The following ELP4 variants were observed in gnomAD, a reference collection of about 807,000 sequenced individuals.
ELP4 encodes elongator acetyltransferase complex subunit 4, also known as elongator complex protein 4.
ELP4 carries 51 observed loss-of-function variants against 48.9 expected under a neutral mutation model. The ratio of observed to expected loss-of-function variants is 1.04; its 90% confidence interval spans 0.83 to 1.32. ELP4 has a LOEUF of 1.32. Ranked by LOEUF, ELP4 falls within the 40% of genes most tolerant of loss-of-function variation. The pLI is 0.00. For missense variants in ELP4, 519 were observed against 514.6 expected (o/e 1.01, Z -0.08); for synonymous variants, 210 against 189.2 (o/e 1.11, Z -0.90).
intron 9 of ELP4, among the ~76,000 whole-genome samples, chr11:31,670,920 T>C (rs1284662777): frequency 6.6e-6 from 1 of 152,052 alleles, no homozygotes; most frequent in Non-Finnish European, 1.5e-5. Context: ...AGTTGGAGAT[T>C]TATTGCCTTA....
At chr11:31,523,616 A>G (rs1373602991) in intron 2 of ELP4, among the ~76,000 whole-genome samples, 1 of 152,168 alleles carries the variant, frequency 6.6e-6, no homozygotes, top group South Asian at 2.1e-4. Context: ...CAAAATAAAT[A>G]CATGTGAACA....
intron 9 of ELP4, among the ~76,000 whole-genome samples, chr11:31,676,753 A>G (rs1249808334): frequency 1.3e-5 from 2 of 152,212 alleles, no homozygotes; most frequent in Non-Finnish European, 2.9e-5. Context: ...AGAGGCTTAG[A>G]GAGGTTAAGT....
At chr11:31,653,242 T>C (rs1945360204) in intron 9 of ELP4, 1 of 151,840 alleles carries the variant, frequency 6.6e-6, no homozygotes, top group African/African-American at 2.4e-5. Flanking sequence ...AATCCTGACA[T>C]GCATTCTGGA....
chr11:31,779,344 C>G (rs2134283087), intron 9 of ELP4, among the ~76,000 whole-genome samples: 1 of 152,232 alleles, frequency 6.6e-6, no homozygotes, highest in Non-Finnish European at 1.5e-5. Flanking sequence ...TTATCTTGCC[C>G]CTTCTGTCTG....
At chr11:31,568,005 C>A (rs1004403823) in intron 3 of ELP4, among the ~76,000 whole-genome samples, 2 of 152,146 alleles carry the variant, frequency 1.3e-5, no homozygotes, top group African/African-American at 4.8e-5. Context: ...TGGGTCTGTA[C>A]AAGTGATGCT....
chr11:31,667,760 A>G (rs1471277514), intron 9 of ELP4, among the ~76,000 whole-genome samples: 1 of 152,206 alleles, frequency 6.6e-6, no homozygotes, highest in Admixed American at 6.5e-5. Context: ...AAAGTAACTT[A>G]GTAAACTATA....
rs568362419 is a variant in ELP4, at chr11:31,550,165, A to G, written c.381+10382A>G. ...AAAAATAAAAAATAATGCCAAATGA[A>G]TATTTGGATCTAAACAAAGATATCA... On this transcript the variant is annotated intron_variant, in intron 3 of 9. Transcript: ENST00000640961. 3.3e-5 allele frequency among the ~76,000 whole-genome samples: 5 copies of G among 152,282 alleles called. No homozygotes were observed. The East Asian group carries it at 9.6e-4, about 29-fold the overall frequency.
intron 5 of ELP4, among the ~76,000 whole-genome samples, chr11:31,604,693 A>G (rs1957841161): frequency 6.6e-6 from 1 of 151,988 alleles, no homozygotes; most frequent in African/African-American, 2.4e-5. Flanking sequence ...GGCGTTGTGA[A>G]CCAAAATGAC....
chr11:31,608,784 G>A (rs1957924258), intron 5 of ELP4, among the ~76,000 whole-genome samples: 1 of 152,174 alleles, frequency 6.6e-6, no homozygotes, highest in African/African-American at 2.4e-5. Flanking sequence ...AAGGGATTCA[G>A]TAGCGTGTCG....
chr11:31,521,266 C>T (rs568747922), intron 2 of ELP4, among the ~76,000 whole-genome samples: 1 of 151,442 alleles, frequency 6.6e-6, no homozygotes, highest in African/African-American at 2.4e-5. Context: ...GTTGGTCATA[C>T]ATTATGCAAA....
intron 2 of ELP4, among the ~76,000 whole-genome samples, chr11:31,537,648 G>A (rs1956522935): frequency 6.6e-6 from 1 of 152,148 alleles, no homozygotes; most frequent in African/African-American, 2.4e-5. Flanking sequence ...CACATGGCAG[G>A]AGCAGGAGGA....
chr11:31,577,422 C>T lies in ELP4; in HGVS notation c.382-17348C>T, dbSNP rs1957305263. On this transcript the variant is annotated intron_variant, in intron 3 of 9. Transcript: ENST00000640961. ...TCAATAGAAAAAGAGGAAATTCTCCCTAACTCATTTTATGAGGCCAGCATC... is the reference window on the plus strand; with the variant it reads ...TCAATAGAAAAAGAGGAAATTCTCCTTAACTCATTTTATGAGGCCAGCATC... Among the ~76,000 whole-genome samples, 3 of 152,078 alleles carry T rather than the reference C, an allele frequency of 2.0e-5. No individual in the cohort carries two copies. In the South Asian group the frequency reaches 6.2e-4, roughly 31 times the overall value.
At chr11:31,521,287 T>G (rs537330927) in intron 2 of ELP4, among the ~76,000 whole-genome samples, 43 of 144,296 alleles carry the variant, frequency 3.0e-4, no homozygotes, top group Admixed American at 1.0e-3. Flanking sequence ...GTGCATTATG[T>G]TTTTTTTTTT....
intron 7 of ELP4, among the ~76,000 whole-genome samples, chr11:31,642,926 C>T (rs1248861734): frequency 6.6e-6 from 1 of 151,672 alleles, no homozygotes; most frequent in Non-Finnish European, 1.5e-5. Flanking sequence ...ACCTAATAAG[C>T]ATGGAAAAAT....
intron 9 of ELP4, chr11:31,654,549 T>C (rs1040032786): frequency 6.6e-6 from 1 of 151,830 alleles, no homozygotes; most frequent in Non-Finnish European, 1.5e-5. Flanking sequence ...TAGAATAGAA[T>C]CAATATAAGT....
chr11:31,584,146 A>G (rs1056756821), intron 3 of ELP4, among the ~76,000 whole-genome samples: 3 of 152,108 alleles, frequency 2.0e-5, no homozygotes, highest in Non-Finnish European at 2.9e-5. Flanking sequence ...AGACAATTGT[A>G]CATGAAAACA....
chr11:31,641,326 G>A (rs532269672), intron 7 of ELP4, among the ~76,000 whole-genome samples: 2 of 151,184 alleles, frequency 1.3e-5, no homozygotes, highest in East Asian at 3.9e-4. Context: ...AGATTGTGAA[G>A]TCTGTAGCCC....
intron 5 of ELP4, among the ~76,000 whole-genome samples, chr11:31,607,271 G>T (rs1300028668): frequency 6.6e-6 from 1 of 152,110 alleles, no homozygotes; most frequent in Non-Finnish European, 1.5e-5. Context: ...TTGTCCATTT[G>T]TGATGCTATA....
chr11:31,550,016 G>A (rs1411378184), intron 3 of ELP4, among the ~76,000 whole-genome samples: 1 of 151,970 alleles, frequency 6.6e-6, no homozygotes, highest in Non-Finnish European at 1.5e-5. Context: ...GGATAGCATT[G>A]GGAGATATAC....
Sources: gnomAD v4.1 joint callset for allele counts (sites outside exome capture counted in the v4.1 genomes callset) on GRCh38, gnomAD v4.1.1 for gene constraint, MANE v1.5 for transcripts, NCBI Gene and HGNC (gene_info 2026-07-23, HGNC 2026-07-21) for gene names.